Variants in ITGB5 observed in about 807,000 individuals in gnomAD.
ITGB5 encodes integrin subunit beta 5.
In ITGB5, 38 loss-of-function variants were observed where a neutral mutation model predicts 84.8. The ratio of observed to expected loss-of-function variants is 0.45; its 90% CI spans 0.35 to 0.59. The LOEUF (loss-of-function observed/expected upper bound fraction) is 0.59, where lower values mean the gene tolerates loss of function less well. Ranked by LOEUF, ITGB5 falls within the 20% of genes least tolerant of loss-of-function variation. The pLI is 0.01. For synonymous variants in ITGB5, 393 were observed against 414.4 expected, an observed-to-expected ratio of 0.95 and a Z score of 0.63; for missense variants, 905 against 1,034.5, an observed-to-expected ratio of 0.87 and a Z score of 1.72.
At chr3:124,888,411 G>T (rs1260049893), upstream of ITGB5, among the ~76,000 whole-genome samples, 1 of 152,148 alleles carries the variant, frequency 6.6e-6, no homozygotes, top group Non-Finnish European at 1.5e-5. Flanking sequence ...AGTGGGGTGG[G>T]GTCTTCCTCA....
chr3:124,861,915 T>C (rs1364981769), intron 2 of ITGB5, among the ~76,000 whole-genome samples: 1 of 152,210 alleles, frequency 6.6e-6, no homozygotes, highest in Admixed American at 6.5e-5. Flanking sequence ...GTGGTCAAGC[T>C]TGGCTCTGAT....
intron 3 of ITGB5, among the ~76,000 whole-genome samples, chr3:124,854,396 A>G (rs945685299): frequency 2.0e-5 from 3 of 152,244 alleles, no homozygotes; most frequent in Admixed American, 2.0e-4. Context: ...AAAATATAGT[A>G]TATCTATACC....
intron 8 of ITGB5, among the ~76,000 whole-genome samples, chr3:124,814,266 T>C (rs1352255066): frequency 6.6e-6 from 1 of 151,856 alleles, no homozygotes; most frequent in Non-Finnish European, 1.5e-5. Context: ...ATATTTAATA[T>C]ATATATTTTA....
intron 14 of ITGB5, among the ~76,000 whole-genome samples, chr3:124,764,022 C>T (rs585021): frequency 0.2 from 29,845 of 152,232 alleles, 3,380 homozygotes; most frequent in East Asian, 0.35. Flanking sequence ...GCTCAGTCCT[C>T]TGGGCATTTG....
chr3:124,835,023 C>A (rs1406459604), intron 5 of ITGB5, among the ~76,000 whole-genome samples: 1 of 152,172 alleles, frequency 6.6e-6, no homozygotes, highest in Non-Finnish European at 1.5e-5. Flanking sequence ...AAGGGGCCTC[C>A]TACCCTTTCC....
chr3:124,795,538 G>T (rs1489889510), intron 10 of ITGB5, among the ~76,000 whole-genome samples: 1 of 152,030 alleles, frequency 6.6e-6, no homozygotes, highest in Non-Finnish European at 1.5e-5. Flanking sequence ...AGCCCCCAGA[G>T]ATGTCCACAT....
chr3:124,779,809 C>A (rs1230764290), intron 10 of ITGB5, among the ~76,000 whole-genome samples: 2 of 152,078 alleles, frequency 1.3e-5, no homozygotes, highest in Admixed American at 1.3e-4. Flanking sequence ...CTTATCATGG[C>A]GGGGTGTGGG....
At chr3:124,841,343 G>A in intron 5 of ITGB5, 40 bp downstream of exon 5, 1 of 1,595,652 alleles carries the variant, frequency 6.3e-7, no homozygotes, top group Non-Finnish European at 8.6e-7. Flanking sequence ...TCTCTACCTT[G>A]ACCTCCCCAT....
At chr3:124,872,936 T>C (rs911471038) in intron 2 of ITGB5, among the ~76,000 whole-genome samples, 10 of 152,184 alleles carry the variant, frequency 6.6e-5, no homozygotes, top group Admixed American at 3.9e-4. Flanking sequence ...TAGCCTAACA[T>C]TGTCCCAAAC....
At chr3:124,775,672 G>C (rs2063916775) in intron 10 of ITGB5, among the ~76,000 whole-genome samples, 1 of 152,202 alleles carries the variant, frequency 6.6e-6, no homozygotes, top group Admixed American at 6.5e-5. Context: ...TGGGTGACTG[G>C]AGAGGCAGGG....
intron 10 of ITGB5, among the ~76,000 whole-genome samples, chr3:124,776,839 C>T (rs928310597): frequency 2.0e-5 from 3 of 152,088 alleles, no homozygotes; most frequent in South Asian, 4.1e-4. Flanking sequence ...CACAATATGC[C>T]GAAGTGTCAA....
intron 1 of ITGB5, among the ~76,000 whole-genome samples, chr3:124,896,616 A>G (rs1271452382): frequency 6.6e-6 from 1 of 151,990 alleles, no homozygotes; most frequent in Non-Finnish European, 1.5e-5. Flanking sequence ...CAGTAATGAC[A>G]TGCATGTTGT....
At chr3:124,900,677 CAATT>C (rs1337141685) in intron 1 of ITGB5, among the ~76,000 whole-genome samples, 1 of 152,176 alleles carries the variant, frequency 6.6e-6, no homozygotes, top group Non-Finnish European at 1.5e-5. Flanking sequence ...TGTGGATTGT[CAATT>C]AATGGCAAAC....
At chr3:124,807,056 G>T (rs1204424577) in intron 9 of ITGB5, among the ~76,000 whole-genome samples, 2 of 152,172 alleles carry the variant, frequency 1.3e-5, no homozygotes, top group African/African-American at 4.8e-5. Context: ...AGGAAGATGG[G>T]AACAAGAGTT....
At chr3:124,888,123 C>T (rs578006736), upstream of ITGB5, among the ~76,000 whole-genome samples, 1 of 152,124 alleles carries the variant, frequency 6.6e-6, no homozygotes, top group South Asian at 2.1e-4. Context: ...CGCTGTGTTG[C>T]TCAGGTTAGT....
In ITGB5 at chr3:124,887,078, G is replaced by C. The variant is rs1392270541; in HGVS notation, c.-78C>G. 2 of 502,508 alleles carry C rather than the reference G, an allele frequency of 4.0e-6. No homozygotes were observed. The highest frequency in any genetic ancestry group is 9.4e-4 in the Middle Eastern group (1 of 1,060). The allele number at this position is 502,508 out of a possible 1,614,324, so 31.1% of individuals were successfully genotyped here. A position where few individuals can be genotyped will look rare whatever the true frequency, so the allele number is the denominator to read the frequency against. On this transcript the variant is annotated 5_prime_UTR_variant, in exon 1 of 15. Transcript: ENST00000296181. ...GCGGCCGGGGCTGGGGCCGGAGCGC[G>C]GGGGCCGAGGGCCGGGGGCCGCAGC...
intron 2 of ITGB5, among the ~76,000 whole-genome samples, chr3:124,870,730 GAAAAA>G (rs1005362306): frequency 1.3e-5 from 1 of 75,474 alleles, no homozygotes; most frequent in African/African-American, 4.9e-5. Context: ...CATCTCAAAA[GAAAAA>G]AAAAAAAAAA....
chr3:124,812,890 AG>A (rs1281990975), intron 8 of ITGB5, among the ~76,000 whole-genome samples: 1 of 152,236 alleles, frequency 6.6e-6, no homozygotes, highest in Admixed American at 6.5e-5. Flanking sequence ...AAATCTGCTC[AG>A]AATGTCCCCA....
At chr3:124,887,796 T>C (rs2107657555), upstream of ITGB5, 1 of 337,972 alleles carries the variant, frequency 3.0e-6, no homozygotes, top group African/African-American at 2.2e-5. Flanking sequence ...AAAGCCTCAC[T>C]GCCGGCGGCC....
Sources: gnomAD v4.1 joint callset for allele counts (sites outside exome capture counted in the v4.1 genomes callset) on GRCh38, gnomAD v4.1.1 for gene constraint, MANE v1.5 for transcripts, NCBI Gene and HGNC (gene_info 2026-07-23, HGNC 2026-07-21) for gene names.